C11orf54: variants seen among roughly 807,000 people sequenced by gnomAD.
The protein encoded by C11orf54 is beta-keto-L-gulonate decarboxylase.
In C11orf54, 29 loss-of-function variants were observed where a neutral mutation model predicts 35.5. That is an observed-to-expected ratio of 0.82 (90% confidence interval 0.61 to 1.11). The LOEUF is 1.11. Among genes scored for constraint, C11orf54 ranks in the 50% most tolerant of loss-of-function variants. The pLI is 0.00. For synonymous variants in C11orf54, 108 were observed against 121.1 expected, an observed-to-expected ratio of 0.89 and a Z score of 0.71; for missense variants, 373 against 369.2, an observed-to-expected ratio of 1.01 and a Z score of -0.08.
At position 93,764,457 on chromosome 11, in the gene C11orf54, TTC is replaced by T. The variant is rs1185663368; in HGVS notation, c.*2771_*2772del. 6.6e-6 allele frequency: 1 copy of T among 152,180 alleles called. No individual in the cohort carries two copies. The highest frequency in any genetic ancestry group is 1.5e-5 in the Non-Finnish European group (1 of 68,036). The allele number at this position is 152,180 out of a possible 1,614,324, so 9.4% of individuals were successfully genotyped here. ...TATATTTTATTTCGTCCTTTTAAGT[TTC>T]TGTGGTTTTGTGTACATTTCTTACG... On this transcript the variant is annotated 3_prime_UTR_variant, in exon 9 of 9. Coordinates refer to ENST00000354421, the MANE Select transcript of C11orf54 (RefSeq NM_001286069.2).
chr11:93,762,476 T>A lies in C11orf54; in HGVS notation c.*788T>A, dbSNP rs1295902426. 6.6e-6 allele frequency: 1 copy of A among 152,204 alleles called. No homozygotes were observed. The highest frequency in any genetic ancestry group is 2.4e-5 in the African/African-American group (1 of 41,450). The allele number at this position is 152,204 out of a possible 1,614,324, so 9.4% of individuals were successfully genotyped here. A position where few individuals can be genotyped will look rare whatever the true frequency, so the allele number is the denominator to read the frequency against. On this transcript the variant is annotated 3_prime_UTR_variant, in exon 9 of 9. Coordinates refer to ENST00000354421, the MANE Select transcript of C11orf54 (RefSeq NM_001286069.2). ...ACCATAGAAGTTTACAATTTGCCTT[T>A]CACAAACATTAGCAGTCCGGGCATG...
At chr11:93,752,746 G>GTTTTT (rs71064779) in intron 3 of C11orf54, among the ~76,000 whole-genome samples, 8 of 103,888 alleles carry the variant, frequency 7.7e-5, no homozygotes, top group Non-Finnish European at 7.5e-5. Context: ...ATCTCTCTGG[G>GTTTTT]TTTTTTTTTT....
chr11:93,750,167 C>T (rs375545852), intron 2 of C11orf54, among the ~76,000 whole-genome samples, 179 bp from the exon 3 acceptor site: 9 of 152,116 alleles, frequency 5.9e-5, no homozygotes, highest in African/African-American at 9.7e-5. Flanking sequence ...TCTTAGTCTA[C>T]GTTGTATCTT....
At chr11:93,758,887 T>G (rs1424396361) in intron 7 of C11orf54, among the ~76,000 whole-genome samples, 1 of 152,208 alleles carries the variant, frequency 6.6e-6, no homozygotes, top group Non-Finnish European at 1.5e-5. Flanking sequence ...GCCTGAAGGC[T>G]GGGGGCCCAG....
chr11:93,749,084 C>T (rs939293016), intron 2 of C11orf54, among the ~76,000 whole-genome samples: 2 of 143,864 alleles, frequency 1.4e-5, no homozygotes, highest in African/African-American at 5.3e-5. Context: ...GCAGAGGTTG[C>T]AGTAAGCCGA....
chr11:93,758,090 G>A (rs1052782386), intron 7 of C11orf54, among the ~76,000 whole-genome samples: 1 of 152,144 alleles, frequency 6.6e-6, no homozygotes, highest in African/African-American at 2.4e-5. Context: ...TGGGAGGACC[G>A]CTGGAGGCCA....
At chr11:93,745,318 G>A (rs1942403487) in intron 1 of C11orf54, among the ~76,000 whole-genome samples, 1 of 152,110 alleles carries the variant, frequency 6.6e-6, no homozygotes. Flanking sequence ...GGGAATTCTT[G>A]GACAATACCC....
chr11:93,758,714 G>A (rs1004804865), intron 7 of C11orf54, among the ~76,000 whole-genome samples: 1 of 152,264 alleles, frequency 6.6e-6, no homozygotes, highest in East Asian at 1.9e-4. Flanking sequence ...TGACACGAGC[G>A]TAGAAGGGAA....
At position 93,763,076 on chromosome 11, in the gene C11orf54, A is replaced by C. The variant is rs975806918; in HGVS notation, c.*1388A>C. 2 of 152,226 alleles carry C rather than the reference A, an allele frequency of 1.3e-5. No homozygotes were observed. Among genetic ancestry groups the C allele is most frequent in the Admixed American group, 6.5e-5 (1 of 15,282 alleles). 9.4% of individuals were successfully genotyped at this position (152,226 alleles called of 1,614,324 possible). A position where few individuals can be genotyped will look rare whatever the true frequency, so the allele number is the denominator to read the frequency against. On this transcript the variant is annotated 3_prime_UTR_variant, in exon 9 of 9. Transcript: ENST00000354421. The stretch of plus-strand genomic sequence containing the variant: ...ATGCAAAAAAATGAATAAAAAATTT[A>C]ATTTATGATATGTTTGTAATATCTT...
At chr11:93,759,931 A>G in intron 8 of C11orf54, 73 bp downstream of exon 8, 3 of 934,758 alleles carry the variant, frequency 3.2e-6, no homozygotes, top group Non-Finnish European at 4.8e-6. Context: ...TTTAAGAACT[A>G]GGCACTTTTG....
Position 93,753,953 on chromosome 11 carries a change from A to C in C11orf54, c.246A>C (p.Lys82Asn). The C allele has an allele frequency of 6.2e-7, 1 of 1,614,094 alleles. No individual in the cohort carries two copies. Among genetic ancestry groups the C allele is most frequent in the Non-Finnish European group, 8.5e-7 (1 of 1,179,946 alleles). ...TTCTATAGGTTTATGATCTGAATAAAATTGCAAAAGAAATCAAGCTGCCTG... is the reference window on the plus strand; with the variant it reads ...TTCTATAGGTTTATGATCTGAATAACATTGCAAAAGAAATCAAGCTGCCTG... ...VNQKKVYDLN[K>N]IAKEIKLPGA... The change falls in exon 5 of 9, where the codon AAA becomes AAC. Residue 82 changes from lysine to asparagine, a missense_variant. By Grantham distance (94) the Lys-to-Asn change is moderately conservative. Transcript: ENST00000354421.
chr11:93,755,154 A>G, intron 5 of C11orf54, 56 bp from the exon 6 acceptor site: 1 of 1,525,680 alleles, frequency 6.6e-7, no homozygotes, highest in Non-Finnish European at 9.0e-7. Context: ...ACATTATTCA[A>G]GATATTCTCT....
At chr11:93,759,065 T>C (rs968210231) in intron 7 of C11orf54, among the ~76,000 whole-genome samples, 1 of 152,158 alleles carries the variant, frequency 6.6e-6, no homozygotes, top group African/African-American at 2.4e-5. Flanking sequence ...TTGGTGGGAG[T>C]GTAAATTAGT....
chr11:93,748,721 C>T (rs978174153), intron 2 of C11orf54, among the ~76,000 whole-genome samples: 32 of 150,554 alleles, frequency 2.1e-4, no homozygotes, highest in African/African-American at 7.1e-4. Context: ...CAGTAATTCC[C>T]GCTATTCAGG....
At chr11:93,751,410 T>C (rs1216245644) in intron 3 of C11orf54, among the ~76,000 whole-genome samples, 1 of 137,428 alleles carries the variant, frequency 7.3e-6, no homozygotes, top group African/African-American at 2.7e-5. Flanking sequence ...TTTTTTTTTT[T>C]TTTTTTTTTT....
rs1430840708 is a variant in C11orf54 at position 93,755,450 on chromosome 11, T to C, written c.507+64T>C. On this transcript the variant is annotated intron_variant, in intron 6 of 8. Transcript: ENST00000354421. ...TCTCAGAAAGCTAAAAATGTGAACT[T>C]TTACTGCCATAAATATGGTTTTGCT... 3 of 1,530,102 alleles carry C rather than the reference T, an allele frequency of 2.0e-6. No homozygotes were observed. In the African/African-American group the frequency reaches 4.1e-5, roughly 21 times the overall value. 94.8% of individuals were successfully genotyped at this position (1,530,102 alleles called of 1,614,324 possible). A position where few individuals can be genotyped will look rare whatever the true frequency, so the allele number is the denominator to read the frequency against.
At chr11:93,759,935 A>C (rs1258315076) in intron 8 of C11orf54, 77 bp downstream of exon 8, 2 of 888,216 alleles carry the variant, frequency 2.3e-6, no homozygotes, top group Non-Finnish European at 3.4e-6. Flanking sequence ...AGAACTAGGC[A>C]CTTTTGTGTT....
chr11:93,747,543 G>C, intron 2 of C11orf54, 95 bp downstream of exon 2: 1 of 643,318 alleles, frequency 1.6e-6, no homozygotes, highest in Non-Finnish European at 2.3e-6. Context: ...TACTACTTAT[G>C]TATATCTATA....
rs113679573 is a variant in C11orf54, at chr11:93,753,557, A to T, written c.155-125A>T. ...GGGGTTCTAGCCACTATGTCTTCCA[A>T]TCCCTGTTATTTGTAAAACTTTATG... On this transcript the variant is annotated intron_variant, in intron 3 of 8. Coordinates refer to ENST00000354421, the MANE Select transcript of C11orf54 (RefSeq NM_001286069.2). 3.9e-6 allele frequency: 3 copies of T among 779,208 alleles called. No individual in the cohort carries two copies. The South Asian group carries it at 5.2e-5, about 14-fold the overall frequency. 48.3% of individuals were successfully genotyped at this position (779,208 alleles called of 1,614,324 possible).
Sources: gnomAD v4.1 joint callset for allele counts (sites outside exome capture counted in the v4.1 genomes callset) on GRCh38, gnomAD v4.1.1 for gene constraint, MANE v1.5 for transcripts, NCBI Gene and HGNC (gene_info 2026-07-23, HGNC 2026-07-21) for gene names.